The following SAXO1 variants were observed in gnomAD, a reference collection of about 807,000 sequenced individuals.
The protein encoded by SAXO1 is 4930500O09Rik.
SAXO1 carries 21 observed loss-of-function variants against 17.5 expected under a neutral mutation model. The ratio of observed to expected loss-of-function variants is 1.20; its 90% CI spans 0.85 to 1.72. SAXO1 has a LOEUF of 1.72. Among genes scored for constraint, SAXO1 ranks in the 40% most tolerant of loss-of-function variants. The pLI, the probability that SAXO1 is intolerant of heterozygous loss-of-function variation, is 0.00. For synonymous variants in SAXO1, 274 were observed against 216.5 expected, an observed-to-expected ratio of 1.27 and a Z score of -2.33; for missense variants, 843 against 596.0, an observed-to-expected ratio of 1.41 and a Z score of -4.32.
At chr9:18,930,508 TTTTTA>T (rs1830994175) in intron 3 of SAXO1, among the ~76,000 whole-genome samples, 1 of 151,550 alleles carries the variant, frequency 6.6e-6, no homozygotes, top group Non-Finnish European at 1.5e-5. Context: ...AACTTTTTTT[TTTTTA>T]TTTGAGATGG....
chr9:18,961,169 C>CT (rs11417886), intron 1 of SAXO1, among the ~76,000 whole-genome samples: 23,097 of 145,350 alleles, frequency 0.16, 3,749 homozygotes, highest in African/African-American at 0.42. Context: ...GAAATTCTTT[C>CT]TTTTTTTTTT....
chr9:18,949,259 T>C (rs1011437422), intron 2 of SAXO1, among the ~76,000 whole-genome samples: 9 of 152,158 alleles, frequency 5.9e-5, no homozygotes, highest in African/African-American at 2.2e-4. Context: ...AATATAATCA[T>C]CTGGCCTTAG....
chr9:18,939,979 T>C (rs1385027454), intron 3 of SAXO1, among the ~76,000 whole-genome samples: 1 of 152,010 alleles, frequency 6.6e-6, no homozygotes, highest in Non-Finnish European at 1.5e-5. Flanking sequence ...TGCCCAGGTG[T>C]AGACATGGGG....
chr9:18,940,975 G>A (rs370640974), intron 3 of SAXO1, among the ~76,000 whole-genome samples: 17 of 152,340 alleles, frequency 1.1e-4, no homozygotes, highest in Admixed American at 8.5e-4. Context: ...GAGGGTAACA[G>A]AAATGGAGTA....
At chr9:18,963,311 T>G (rs540158524) in intron 1 of SAXO1, among the ~76,000 whole-genome samples, 23 of 152,198 alleles carry the variant, frequency 1.5e-4, no homozygotes, top group Non-Finnish European at 2.6e-4. Context: ...CCATAAGAAA[T>G]TTAAAGTCGT....
intron 1 of SAXO1, among the ~76,000 whole-genome samples, chr9:18,974,811 A>G (rs549123812): frequency 5.9e-5 from 9 of 152,326 alleles, no homozygotes; most frequent in African/African-American, 2.2e-4. Flanking sequence ...TTTGGCAACC[A>G]TGGTGGTGAC....
chr9:19,013,748 T>C (rs879140855), intron 1 of SAXO1, among the ~76,000 whole-genome samples: 1 of 152,170 alleles, frequency 6.6e-6, no homozygotes, highest in East Asian at 1.9e-4. Context: ...GTTTTCACCA[T>C]GTTGGCCAGG....
At chr9:19,016,225 C>T (rs1388394923) in intron 1 of SAXO1, among the ~76,000 whole-genome samples, 3 of 152,066 alleles carry the variant, frequency 2.0e-5, no homozygotes, top group African/African-American at 4.8e-5. Flanking sequence ...CCACTGAGGT[C>T]GGGAGTTCGA....
intron 1 of SAXO1, among the ~76,000 whole-genome samples, chr9:18,979,405 G>C (rs1833279506): frequency 6.6e-6 from 1 of 152,236 alleles, no homozygotes; most frequent in Non-Finnish European, 1.5e-5. Flanking sequence ...CCAGAGCTGA[G>C]AATGGGTCAG....
At chr9:18,931,839 G>C (rs888718036) in intron 3 of SAXO1, among the ~76,000 whole-genome samples, 1 of 152,158 alleles carries the variant, frequency 6.6e-6, no homozygotes, top group Non-Finnish European at 1.5e-5. Flanking sequence ...ATATTGAGAT[G>C]TTTTGCCCAT....
At chr9:18,936,099 AT>A (rs1196484164) in intron 3 of SAXO1, among the ~76,000 whole-genome samples, 10 of 152,090 alleles carry the variant, frequency 6.6e-5, no homozygotes, top group Non-Finnish European at 1.5e-5. Flanking sequence ...CAGTTTTGTC[AT>A]TGCTTTTTGG....
intron 1 of SAXO1, among the ~76,000 whole-genome samples, chr9:18,964,911 C>G (rs1197356906): frequency 6.6e-6 from 1 of 152,232 alleles, no homozygotes; most frequent in African/African-American, 2.4e-5. Flanking sequence ...AAATTTCCCT[C>G]TACACACTGC....
intron 3 of SAXO1, among the ~76,000 whole-genome samples, chr9:18,940,894 T>A (rs1307530304): frequency 6.6e-6 from 1 of 152,208 alleles, no homozygotes; most frequent in Admixed American, 6.5e-5. Context: ...ATCCTATTTA[T>A]ATAAAGTTCA....
intron 1 of SAXO1, among the ~76,000 whole-genome samples, chr9:19,044,331 G>C (rs1378598874): frequency 6.6e-6 from 1 of 151,900 alleles, no homozygotes; most frequent in Non-Finnish European, 1.5e-5. Flanking sequence ...ATTCTCTTTG[G>C]GTATTACTTA....
intron 1 of SAXO1, among the ~76,000 whole-genome samples, chr9:18,958,004 G>A (rs1025335141): frequency 4.6e-5 from 7 of 152,308 alleles, no homozygotes; most frequent in East Asian, 3.9e-4. Context: ...CTTGAGGCAA[G>A]ATATCTCATA....
chr9:19,018,026 G>A (rs10757021), intron 1 of SAXO1, among the ~76,000 whole-genome samples: 81,390 of 151,750 alleles, frequency 0.54, 22,627 homozygotes, highest in Non-Finnish European at 0.62. Context: ...AAATTAGTCG[G>A]GTGTGGTTGT....
intron 2 of SAXO1, among the ~76,000 whole-genome samples, chr9:18,946,400 A>G (rs1204103700): frequency 6.6e-6 from 1 of 152,164 alleles, no homozygotes; most frequent in East Asian, 1.9e-4. Flanking sequence ...AATTCTGTAC[A>G]TAAACTGGGC....
At chr9:18,945,093 A>C (rs1333350755) in intron 2 of SAXO1, among the ~76,000 whole-genome samples, 1 of 152,028 alleles carries the variant, frequency 6.6e-6, no homozygotes, top group East Asian at 1.9e-4. Flanking sequence ...CCCATCTTTA[A>C]AGGTAAAGAG....
chr9:18,939,066 CT>C (rs1831438001), intron 3 of SAXO1, among the ~76,000 whole-genome samples: 1 of 152,006 alleles, frequency 6.6e-6, no homozygotes, highest in South Asian at 2.1e-4. Context: ...TCTCCCTATA[CT>C]AAGATTCATA....
Sources: allele counts gnomAD v4.1 joint callset (sites outside exome capture counted in the v4.1 genomes callset), GRCh38; gene constraint gnomAD v4.1.1; transcripts MANE v1.5; gene names NCBI Gene and HGNC (gene_info 2026-07-23, HGNC 2026-07-21).